The following MTOR variants were observed in gnomAD, a reference collection of about 807,000 sequenced individuals.
MTOR encodes serine/threonine-protein kinase mTOR.
MTOR carries 70 observed loss-of-function variants against 319.8 expected under a neutral mutation model. The observed-to-expected ratio is 0.22, with a 90% CI of 0.18 to 0.27. MTOR has a LOEUF of 0.27. Among genes scored for constraint, MTOR ranks in the 10% least tolerant of loss-of-function variants. The pLI is 1.00. For missense variants in MTOR, 1,890 were observed against 3,274.4 expected (o/e 0.58, Z 10.32); for synonymous variants, 1,183 against 1,211.4 (o/e 0.98, Z 0.49).
At position 11,243,101 on chromosome 1, in the gene MTOR, CA is replaced by C; in HGVS notation, c.1412+12del. ...AATGGAGTGGAAGGTGAAATCATAACAGAGGTGCTTACTTATGGGCGAAGTC... is the reference window on the plus strand; with the variant it reads ...AATGGAGTGGAAGGTGAAATCATAACGAGGTGCTTACTTATGGGCGAAGTC... On this transcript the variant is annotated intron_variant, in intron 9 of 57. Coordinates refer to ENST00000361445, the MANE Select transcript of MTOR (RefSeq NM_004958.4). 1.2e-6 allele frequency: 2 copies of C among 1,613,766 alleles called. No individual in the cohort carries two copies. Among genetic ancestry groups the C allele is most frequent in the Non-Finnish European group, 1.7e-6 (2 of 1,179,946 alleles).
rs559080224 is a variant in MTOR, at chr1:11,144,609, G to C, written c.4872+39C>G. The C allele has an allele frequency of 1.1e-5, 17 of 1,584,530 alleles. No homozygotes were observed. In the South Asian group the frequency reaches 1.7e-4, roughly 15 times the overall value. ...ACTCACCCAGGTCCTGGAAGGGGTA[G>C]GGGTAGGTGGGTGAACTGGGGCTTT... On this transcript the variant is annotated intron_variant, in intron 34 of 57. Coordinates refer to ENST00000361445, the MANE Select transcript of MTOR (RefSeq NM_004958.4).
At chr1:11,170,057 C>T (rs540979071) in intron 28 of MTOR, among the ~76,000 whole-genome samples, 20 of 152,336 alleles carry the variant, frequency 1.3e-4, no homozygotes, top group Middle Eastern at 3.4e-3. Flanking sequence ...GCGGCTGGTG[C>T]TTCTTGAGCT....
chr1:11,210,201 C>A (rs886771587), intron 24 of MTOR, among the ~76,000 whole-genome samples: 1 of 152,196 alleles, frequency 6.6e-6, no homozygotes, highest in Non-Finnish European at 1.5e-5. Flanking sequence ...CTCACTCTGC[C>A]ACCCAGGCTG....
intron 29 of MTOR, among the ~76,000 whole-genome samples, chr1:11,158,605 A>C (rs369982048): frequency 6.6e-6 from 1 of 152,162 alleles, no homozygotes; most frequent in African/African-American, 2.4e-5. Context: ...CCTGTCCAAA[A>C]TAATATCTAT....
At chr1:11,166,428 T>A (rs950682596) in intron 29 of MTOR, among the ~76,000 whole-genome samples, 1 of 152,162 alleles carries the variant, frequency 6.6e-6, no homozygotes, top group Non-Finnish European at 1.5e-5. Context: ...CATCAAAAAG[T>A]GGGCAAAGGA....
At chr1:11,183,065 T>C (rs1645209898) in intron 28 of MTOR, among the ~76,000 whole-genome samples, 1 of 152,222 alleles carries the variant, frequency 6.6e-6, no homozygotes, top group African/African-American at 2.4e-5. Context: ...GCTTTACCAA[T>C]TTACATTTCT....
chr1:11,161,756 A>T (rs995729771), intron 29 of MTOR, among the ~76,000 whole-genome samples: 20 of 152,362 alleles, frequency 1.3e-4, no homozygotes, highest in Middle Eastern at 3.4e-3. Context: ...ACAAACAGAA[A>T]GGACATCCAC....
chr1:11,107,042 G>A lies in MTOR; in HGVS notation c.*443C>T. On this transcript the variant is annotated 3_prime_UTR_variant, in exon 58 of 58. Coordinates refer to ENST00000361445, the MANE Select transcript of MTOR (RefSeq NM_004958.4). Reference sequence around the variant, plus strand: ...GGTCAGCATCTTCTGTGTCTTTACAGTCTAGGATCCTAATCCATGTTCTCC... The same window carrying A: ...GGTCAGCATCTTCTGTGTCTTTACAATCTAGGATCCTAATCCATGTTCTCC... The A allele has an allele frequency of 7.3e-7, 1 of 1,371,514 alleles. No homozygotes were observed. The highest frequency in any genetic ancestry group is 9.6e-7 in the Non-Finnish European group (1 of 1,039,444). The allele number at this position is 1,371,514 out of a possible 1,614,324, so 85.0% of individuals were successfully genotyped here. A position where few individuals can be genotyped will look rare whatever the true frequency, so the allele number is the denominator to read the frequency against.
At chr1:11,238,079 C>G (rs766214386) in intron 12 of MTOR, 31 bp from the exon 13 acceptor site, 3 of 1,605,316 alleles carry the variant, frequency 1.9e-6, no homozygotes, top group Non-Finnish European at 2.6e-6. Context: ...TTGAACATTT[C>G]CTCATGATCC....
intron 10 of MTOR, 92 bp downstream of exon 10, chr1:11,241,461 G>A: frequency 6.9e-7 from 1 of 1,457,702 alleles, no homozygotes; most frequent in Non-Finnish European, 9.2e-7. Context: ...AGTTGAATGT[G>A]CAAACAACCA....
chr1:11,135,894 G>A (rs1157650354), intron 36 of MTOR, among the ~76,000 whole-genome samples: 2 of 151,800 alleles, frequency 1.3e-5, no homozygotes, highest in African/African-American at 4.8e-5. Context: ...CAGCACTTTG[G>A]GAGGCCAAGG....
intron 30 of MTOR, among the ~76,000 whole-genome samples, chr1:11,153,999 G>A (rs1644233628): frequency 7.2e-6 from 1 of 139,062 alleles, no homozygotes; most frequent in Non-Finnish European, 1.5e-5. Flanking sequence ...ACCCTGGGAG[G>A]TGAAGGTTGC....
rs1268340970 is a variant in MTOR, at chr1:11,128,624, C to A, written c.5812-72G>T. On this transcript the variant is annotated intron_variant, in intron 41 of 57. Coordinates refer to ENST00000361445, the MANE Select transcript of MTOR (RefSeq NM_004958.4). The surrounding 1 kb of genome is among the most constrained non-coding windows in gnomAD (Gnocchi z 5.3). ...ACTAGTTATTCTTCTAGGCAAAGATCAATTCTTTTAACTTGTTTCGGTTGA... is the reference window on the plus strand; with the variant it reads ...ACTAGTTATTCTTCTAGGCAAAGATAAATTCTTTTAACTTGTTTCGGTTGA... 1.4e-6 allele frequency: 2 copies of A among 1,439,466 alleles called. No homozygotes were observed. The highest frequency in any genetic ancestry group is 4.6e-5 in the East Asian group (2 of 43,784). The allele number at this position is 1,439,466 out of a possible 1,614,324, so 89.2% of individuals were successfully genotyped here. A position where few individuals can be genotyped will look rare whatever the true frequency, so the allele number is the denominator to read the frequency against.
At chr1:11,180,543 G>A (rs933167075) in intron 28 of MTOR, among the ~76,000 whole-genome samples, 2 of 152,178 alleles carry the variant, frequency 1.3e-5, no homozygotes, top group African/African-American at 4.8e-5. Context: ...AGTTTGTGGT[G>A]CCTAAGTCAG....
intron 28 of MTOR, among the ~76,000 whole-genome samples, chr1:11,185,174 C>T (rs1645274458): frequency 6.6e-6 from 1 of 152,102 alleles, no homozygotes; most frequent in South Asian, 2.1e-4. Context: ...AGACACTGGG[C>T]CAGAATAATC....
chr1:11,240,353 A>C lies in MTOR; in HGVS notation c.1736T>G (p.Val579Gly). 1 of 1,612,196 alleles carries C rather than the reference A, an allele frequency of 6.2e-7. No homozygotes were observed. The highest frequency in any genetic ancestry group is 1.1e-5 in the South Asian group (1 of 90,954). Residue 579 changes from valine to glycine, a missense_variant, in exon 11 of 58, where the codon GTG (valine) becomes GGG (glycine). Val to Gly is a moderately radical substitution (Grantham distance 109). Around this residue, in one of 15 missense-constraint regions of MTOR, gnomAD observed 418 missense variants for 543.1 expected, o/e 0.77. Transcript: ENST00000361445. The part of the protein sequence containing the change: ...GLTTLPEASD[V>G]GSITLALRTL... ...TCGGAGGGCAAGAGTGATGCTGCCCACATCGCTGGCCTCAGGGAGGGTCGT... is the reference window on the plus strand; with the variant it reads ...TCGGAGGGCAAGAGTGATGCTGCCCCCATCGCTGGCCTCAGGGAGGGTCGT...
chr1:11,190,032 A>G, intron 28 of MTOR: 8 of 1,512,262 alleles, frequency 5.3e-6, no homozygotes, highest in Non-Finnish European at 7.1e-6. Context: ...CCTGGTCATC[A>G]GAACCACTAC....
At chr1:11,242,122 G>C (rs977852814) in intron 9 of MTOR, among the ~76,000 whole-genome samples, 2 of 152,280 alleles carry the variant, frequency 1.3e-5, no homozygotes, top group African/African-American at 4.8e-5. Flanking sequence ...CCAGCACTCT[G>C]GGAGGCGGAG....
intron 19 of MTOR, among the ~76,000 whole-genome samples, chr1:11,227,473 G>T (rs1171164987): frequency 6.6e-6 from 1 of 152,128 alleles, no homozygotes; most frequent in East Asian, 1.9e-4. Context: ...AGAGGGAAAA[G>T]TAACTAATTG....
Sources: allele counts gnomAD v4.1 joint callset (sites outside exome capture counted in the v4.1 genomes callset), GRCh38; gene constraint gnomAD v4.1.1; regional missense constraint gnomAD v4.1.1; non-coding constraint Gnocchi (gnomAD v3.1); transcripts MANE v1.5; gene names NCBI Gene and HGNC (gene_info 2026-07-23, HGNC 2026-07-21).